The following RNGTT variants were observed in gnomAD, a reference collection of about 807,000 sequenced individuals.
RNGTT encodes mRNA-capping enzyme.
RNGTT carries 33 observed loss-of-function variants against 79.3 expected under a neutral mutation model. The ratio of observed to expected loss-of-function variants is 0.42; its 90% confidence interval spans 0.32 to 0.56. The LOEUF is 0.56. Among genes scored for constraint, RNGTT ranks in the 20% least tolerant of loss-of-function variants. The probability of loss-of-function intolerance (pLI) is 0.17; values close to 1 mark genes in which losing one functional copy is unlikely to be tolerated. For synonymous variants in RNGTT, 222 were observed against 235.9 expected, an observed-to-expected ratio of 0.94 and a Z score of 0.54; for missense variants, 497 against 739.1, an observed-to-expected ratio of 0.67 and a Z score of 3.80.
intron 11 of RNGTT, among the ~76,000 whole-genome samples, chr6:88,819,499 T>C (rs369462838): frequency 1.9e-4 from 29 of 152,326 alleles, no homozygotes; most frequent in African/African-American, 6.7e-4. Context: ...TTCAATGTTA[T>C]TTCCAAGACA....
At chr6:88,878,561 G>T (rs1782593516) in intron 8 of RNGTT, among the ~76,000 whole-genome samples, 1 of 152,012 alleles carries the variant, frequency 6.6e-6, no homozygotes, top group Admixed American at 6.6e-5. Context: ...AAAAGTAAAA[G>T]TCCTTCCCAG....
intron 13 of RNGTT, among the ~76,000 whole-genome samples, chr6:88,690,457 A>G (rs544373846): frequency 2.0e-4 from 31 of 152,156 alleles, no homozygotes; most frequent in African/African-American, 7.5e-4. Context: ...CTATAATCCT[A>G]GCGCTTGAGG....
At chr6:88,899,269 CTT>C (rs1554229134) in intron 6 of RNGTT, among the ~76,000 whole-genome samples, 4 of 143,728 alleles carry the variant, frequency 2.8e-5, no homozygotes, top group Admixed American at 7.0e-5. Context: ...AAGGTTTCGG[CTT>C]TTTTTTTTTG....
chr6:88,901,710 TGTTGTCC>T (rs1257791134), intron 6 of RNGTT, among the ~76,000 whole-genome samples: 1 of 151,970 alleles, frequency 6.6e-6, no homozygotes, highest in East Asian at 1.9e-4. Flanking sequence ...GGTTTCACCA[TGTTGTCC>T]AGGCTGGTCT....
intron 13 of RNGTT, among the ~76,000 whole-genome samples, chr6:88,728,885 T>C (rs966369406): frequency 1.3e-5 from 2 of 152,222 alleles, no homozygotes; most frequent in Non-Finnish European, 2.9e-5. Context: ...AAATGCCTGG[T>C]TGAAATAGAT....
At chr6:88,743,174 T>C (rs750478458) in intron 13 of RNGTT, among the ~76,000 whole-genome samples, 1 of 152,204 alleles carries the variant, frequency 6.6e-6, no homozygotes, top group Non-Finnish European at 1.5e-5. Flanking sequence ...ACCATGACTA[T>C]GATAGAAAAG....
chr6:88,799,296 T>C (rs1160921613), intron 12 of RNGTT, among the ~76,000 whole-genome samples: 1 of 152,202 alleles, frequency 6.6e-6, no homozygotes, highest in Admixed American at 6.5e-5. Context: ...ACAAATTGAT[T>C]CTGAAACTTT....
intron 13 of RNGTT, among the ~76,000 whole-genome samples, chr6:88,741,942 TC>T (rs947637923): frequency 5.3e-5 from 8 of 152,210 alleles, no homozygotes; most frequent in Non-Finnish European, 1.0e-4. Context: ...GATCGTGTGT[TC>T]TTTTCATAAG....
chr6:88,654,835 A>C (rs982471201), intron 14 of RNGTT, among the ~76,000 whole-genome samples: 1 of 152,242 alleles, frequency 6.6e-6, no homozygotes, highest in Non-Finnish European at 1.5e-5. Context: ...GTGGGTTGAG[A>C]CCAGCATCTA....
At chr6:88,824,391 C>A (rs1019677762) in intron 11 of RNGTT, among the ~76,000 whole-genome samples, 5 of 152,216 alleles carry the variant, frequency 3.3e-5, no homozygotes, top group African/African-American at 1.2e-4. Flanking sequence ...CTGTATAGGG[C>A]AACTTTGTTA....
chr6:88,736,450 T>C (rs948935637), intron 13 of RNGTT, among the ~76,000 whole-genome samples: 1 of 152,150 alleles, frequency 6.6e-6, no homozygotes, highest in Non-Finnish European at 1.5e-5. Flanking sequence ...TGAAATTGGA[T>C]ATTCACTCAG....
At chr6:88,928,124 A>T (rs746277567) in intron 4 of RNGTT, among the ~76,000 whole-genome samples, 1 of 152,132 alleles carries the variant, frequency 6.6e-6, no homozygotes, top group African/African-American at 2.4e-5. Context: ...AGAAGAGAGG[A>T]TCACTTGAGC....
intron 13 of RNGTT, among the ~76,000 whole-genome samples, chr6:88,679,704 T>C (rs1775015847): frequency 6.6e-6 from 1 of 152,218 alleles, no homozygotes; most frequent in African/African-American, 2.4e-5. Context: ...TCATTATAAC[T>C]GTGCTTGTGG....
rs1013608421 is a variant in RNGTT, at chr6:88,937,275, G to A, written c.174+3796C>T. On this transcript the variant is annotated intron_variant, in intron 2 of 15. Transcript: ENST00000369485. ...GTAGAAGAATCACTTGAACCTGGGA[G>A]TGGAGGTCACAGTGAACTGAGATCC... Among the ~76,000 whole-genome samples, 30 of 152,216 alleles carry A rather than the reference G, an allele frequency of 2.0e-4. 1 individual carries two copies. The East Asian group carries it at 5.6e-3, about 28-fold the overall frequency.
intron 13 of RNGTT, among the ~76,000 whole-genome samples, chr6:88,742,510 C>A (rs1315370922): frequency 6.6e-6 from 1 of 152,136 alleles, no homozygotes; most frequent in African/African-American, 2.4e-5. Context: ...GTTCTTCTTT[C>A]ATCTTTCCTT....
chr6:88,639,364 C>T (rs777210162), intron 14 of RNGTT, among the ~76,000 whole-genome samples: 2 of 152,126 alleles, frequency 1.3e-5, no homozygotes, highest in Non-Finnish European at 2.9e-5. Flanking sequence ...ATTCATATAT[C>T]TCAGTCTGTG....
chr6:88,951,631 C>T (rs990274014), intron 1 of RNGTT, among the ~76,000 whole-genome samples: 4 of 152,174 alleles, frequency 2.6e-5, no homozygotes, highest in African/African-American at 7.2e-5. Context: ...CCTCTGAACA[C>T]ACATTCCCCA....
intron 2 of RNGTT, among the ~76,000 whole-genome samples, chr6:88,935,069 C>T (rs913097614): frequency 5.3e-5 from 8 of 152,176 alleles, no homozygotes; most frequent in Non-Finnish European, 1.0e-4. Context: ...TCAGGTCTTA[C>T]ATTTAAAGTC....
chr6:88,914,203 T>C (rs1275242564), intron 4 of RNGTT, among the ~76,000 whole-genome samples: 1 of 152,140 alleles, frequency 6.6e-6, no homozygotes, highest in African/African-American at 2.4e-5. Flanking sequence ...AAAATGTCCA[T>C]ATTGTCCAAA....
Sources: allele counts gnomAD v4.1 joint callset (sites outside exome capture counted in the v4.1 genomes callset), GRCh38; gene constraint gnomAD v4.1.1; transcripts MANE v1.5; gene names NCBI Gene and HGNC (gene_info 2026-07-23, HGNC 2026-07-21).